Variants in NEGR1 observed in about 807,000 individuals in gnomAD.
The protein encoded by NEGR1 is neuronal growth regulator 1.
NEGR1 carries 10 observed loss-of-function variants against 40.9 expected under a neutral mutation model. The ratio of observed to expected loss-of-function variants is 0.24; its 90% CI spans 0.15 to 0.42. NEGR1 has a LOEUF of 0.42. Among genes scored for constraint, NEGR1 ranks in the 10% least tolerant of loss-of-function variants. NEGR1 has a pLI of 1.00. For synonymous variants in NEGR1, 185 were observed against 166.8 expected, an observed-to-expected ratio of 1.11 and a Z score of -0.84; for missense variants, 352 against 438.9, an observed-to-expected ratio of 0.80 and a Z score of 1.77.
intron 4 of NEGR1, 176 bp downstream of exon 4, chr1:71,697,829 ATTG>A (rs1557617630): frequency 5.1e-6 from 3 of 591,634 alleles, no homozygotes; most frequent in South Asian, 4.3e-5. Flanking sequence ...ACTTGGGACA[ATTG>A]TTGTTACATT....
intron 6 of NEGR1, among the ~76,000 whole-genome samples, chr1:71,572,952 A>G (rs1648852632): frequency 6.6e-6 from 1 of 152,206 alleles, no homozygotes; most frequent in Admixed American, 6.5e-5. Flanking sequence ...TGGCAAGGAA[A>G]GTACTCCTGG....
intron 1 of NEGR1, among the ~76,000 whole-genome samples, chr1:72,090,907 C>A (rs990088712): frequency 1.3e-5 from 2 of 152,140 alleles, no homozygotes; most frequent in Admixed American, 1.3e-4. Context: ...CCATAAAATA[C>A]CATAATGTCT....
intron 5 of NEGR1, among the ~76,000 whole-genome samples, chr1:71,607,697 C>A (rs192581191): frequency 2.5e-4 from 38 of 152,050 alleles, no homozygotes; most frequent in Non-Finnish European, 4.7e-4. Flanking sequence ...TTTATTTTTT[C>A]ATTTTTTATT....
chr1:71,923,830 T>C (rs1241589699), intron 2 of NEGR1, among the ~76,000 whole-genome samples: 1 of 152,190 alleles, frequency 6.6e-6, no homozygotes, highest in Non-Finnish European at 1.5e-5. Flanking sequence ...ACCATTCTTT[T>C]GCCTTCCTCT....
chr1:71,925,227 G>A (rs1003872353), intron 2 of NEGR1, among the ~76,000 whole-genome samples: 15 of 152,324 alleles, frequency 9.8e-5, no homozygotes, highest in Non-Finnish European at 1.8e-4. Flanking sequence ...TTTTTCCAGA[G>A]AAGGGGTCTA....
intron 1 of NEGR1, among the ~76,000 whole-genome samples, chr1:72,114,538 CATCT>C (rs1385395421): frequency 2.6e-5 from 4 of 151,712 alleles, no homozygotes; most frequent in African/African-American, 4.8e-5. Context: ...TACTTTTTGT[CATCT>C]ATCTATCTGA....
chr1:72,149,950 T>C (rs1363660671), intron 1 of NEGR1, among the ~76,000 whole-genome samples: 1 of 147,764 alleles, frequency 6.8e-6, no homozygotes, highest in East Asian at 2.0e-4. Flanking sequence ...AGGACAAGTA[T>C]CCTTATATAG....
At chr1:71,687,580 G>C (rs1289290726) in intron 4 of NEGR1, among the ~76,000 whole-genome samples, 2 of 152,136 alleles carry the variant, frequency 1.3e-5, no homozygotes, top group Admixed American at 6.5e-5. Context: ...CGTTCTAAAG[G>C]ATTATTTATT....
At chr1:71,413,756 T>C (rs748840280) in intron 6 of NEGR1, among the ~76,000 whole-genome samples, 5 of 152,148 alleles carry the variant, frequency 3.3e-5, no homozygotes, top group Non-Finnish European at 7.3e-5. Flanking sequence ...TTTGAGACTT[T>C]TTCCCGTTGT....
At chr1:71,692,458 C>G (rs1277329605) in intron 4 of NEGR1, among the ~76,000 whole-genome samples, 1 of 151,448 alleles carries the variant, frequency 6.6e-6, no homozygotes, top group East Asian at 1.9e-4. Flanking sequence ...CATGATAGTG[C>G]CTTTGCCCTA....
At chr1:71,580,452 T>TATA (rs1246588357) in intron 6 of NEGR1, among the ~76,000 whole-genome samples, 10 of 151,584 alleles carry the variant, frequency 6.6e-5, no homozygotes, top group African/African-American at 9.7e-5. Flanking sequence ...AAACTTAAAG[T>TATA]ATAATAATAA....
chr1:72,185,529 C>A (rs1025595708), intron 1 of NEGR1, among the ~76,000 whole-genome samples: 2 of 151,582 alleles, frequency 1.3e-5, no homozygotes, highest in Non-Finnish European at 2.9e-5. Flanking sequence ...AATGGCTGAG[C>A]GATAATGCTG....
intron 1 of NEGR1, among the ~76,000 whole-genome samples, chr1:72,072,797 T>C (rs1647527761): frequency 6.6e-6 from 1 of 152,112 alleles, no homozygotes; most frequent in Non-Finnish European, 1.5e-5. Context: ...AATAGCATGA[T>C]CTGCCAATGC....
At chr1:71,764,484 T>C (rs1656053253) in intron 3 of NEGR1, among the ~76,000 whole-genome samples, 1 of 152,242 alleles carries the variant, frequency 6.6e-6, no homozygotes, top group Non-Finnish European at 1.5e-5. Flanking sequence ...ATGGAAATGA[T>C]GTTAGACAAA....
rs574802877 is a variant in NEGR1, at chr1:71,727,496, T to A, written c.536-29357A>T. Among the ~76,000 whole-genome samples, 3 of 152,112 alleles carry A rather than the reference T, an allele frequency of 2.0e-5. 1 individual carries two copies. The East Asian group carries it at 5.8e-4, about 29-fold the overall frequency. On this transcript the variant is annotated intron_variant, in intron 3 of 6. Transcript: ENST00000357731. ...ATGTCAATAATCCATGGAGAAAAAA[T>A]CAAGAGAAGTAGCTATCACTCAATT...
At chr1:72,144,718 A>AAGTGT (rs1650843396) in intron 1 of NEGR1, among the ~76,000 whole-genome samples, 1 of 152,064 alleles carries the variant, frequency 6.6e-6, no homozygotes, top group African/African-American at 2.4e-5. Context: ...AGAAAGAAGG[A>AAGTGT]AGTGTAGTGT....
At chr1:71,616,738 T>C (rs1282854166) in intron 4 of NEGR1, among the ~76,000 whole-genome samples, 1 of 152,192 alleles carries the variant, frequency 6.6e-6, no homozygotes, top group East Asian at 1.9e-4. Flanking sequence ...CGCACTTGTC[T>C]CAGTCACAGT....
At chr1:72,215,526 A>G (rs1653768889) in intron 1 of NEGR1, among the ~76,000 whole-genome samples, 1 of 152,068 alleles carries the variant, frequency 6.6e-6, no homozygotes, top group Admixed American at 6.6e-5. Context: ...AAAAAAACAA[A>G]CAACCCGATC....
At chr1:72,027,311 C>A (rs1258273279) in intron 1 of NEGR1, among the ~76,000 whole-genome samples, 3 of 152,018 alleles carry the variant, frequency 2.0e-5, no homozygotes, top group Admixed American at 1.3e-4. Context: ...CCCTCACTTG[C>A]CAATCTGTTT....
Sources: gnomAD v4.1 joint callset for allele counts (sites outside exome capture counted in the v4.1 genomes callset) on GRCh38, gnomAD v4.1.1 for gene constraint, MANE v1.5 for transcripts, NCBI Gene and HGNC (gene_info 2026-07-23, HGNC 2026-07-21) for gene names.